GNA14: variants seen among roughly 807,000 people sequenced by gnomAD.
GNA14 encodes guanine nucleotide-binding protein subunit alpha-14.
Under a neutral mutation model 42.0 loss-of-function variants are expected in GNA14, and 50 were observed. The observed-to-expected ratio is 1.19, with a 90% confidence interval of 0.95 to 1.51. The LOEUF (loss-of-function observed/expected upper bound fraction) is 1.51. Ranked by LOEUF, GNA14 falls within the 40% of genes most tolerant of loss-of-function variation. The pLI is 0.00. For missense variants in GNA14, 473 were observed against 446.2 expected (o/e 1.06, Z -0.54); for synonymous variants, 173 against 163.1 (o/e 1.06, Z -0.46).
At chr9:77,645,177 G>A (rs1824334109) in intron 1 of GNA14, among the ~76,000 whole-genome samples, 1 of 152,170 alleles carries the variant, frequency 6.6e-6, no homozygotes, top group South Asian at 2.1e-4. Context: ...TGGTGTCTTT[G>A]GGGGTCATCC....
intron 1 of GNA14, among the ~76,000 whole-genome samples, chr9:77,558,644 A>C (rs977239498): frequency 7.2e-5 from 11 of 152,126 alleles, no homozygotes; most frequent in African/African-American, 2.7e-4. Flanking sequence ...AAACCAGATG[A>C]GGTTCTCCAT....
intron 1 of GNA14, among the ~76,000 whole-genome samples, chr9:77,537,393 G>A (rs1837611060): frequency 6.6e-6 from 1 of 152,146 alleles, no homozygotes; most frequent in South Asian, 2.1e-4. Flanking sequence ...CATCCATGTT[G>A]CTGCAAATGA....
At chr9:77,522,659 C>T (rs532910617) in intron 2 of GNA14, among the ~76,000 whole-genome samples, 1 of 152,236 alleles carries the variant, frequency 6.6e-6, no homozygotes, top group South Asian at 2.1e-4. Context: ...CAATCAGAAT[C>T]ACCTGGGAGG....
intron 1 of GNA14, among the ~76,000 whole-genome samples, chr9:77,589,230 A>G (rs1226028760): frequency 6.6e-6 from 1 of 152,184 alleles, no homozygotes; most frequent in Admixed American, 6.5e-5. Context: ...GCTCACTTGC[A>G]GGGTCATTTC....
At chr9:77,481,507 G>T (rs1836551635) in intron 2 of GNA14, among the ~76,000 whole-genome samples, 1 of 152,140 alleles carries the variant, frequency 6.6e-6, no homozygotes, top group Non-Finnish European at 1.5e-5. Context: ...GTGTGGTGCT[G>T]AAAAAAATGT....
At chr9:77,448,118 C>T (rs1440332025) in intron 2 of GNA14, among the ~76,000 whole-genome samples, 1 of 152,176 alleles carries the variant, frequency 6.6e-6, no homozygotes, top group Non-Finnish European at 1.5e-5. Flanking sequence ...ACAGCTATGC[C>T]TTGTGATATG....
At chr9:77,567,033 C>G (rs947684359) in intron 1 of GNA14, among the ~76,000 whole-genome samples, 10 of 151,752 alleles carry the variant, frequency 6.6e-5, no homozygotes, top group African/African-American at 2.4e-4. Flanking sequence ...TAACACAAGT[C>G]ATGTGCCTGG....
intron 1 of GNA14, among the ~76,000 whole-genome samples, chr9:77,559,442 G>A (rs999363760): frequency 6.6e-6 from 1 of 152,172 alleles, no homozygotes; most frequent in African/African-American, 2.4e-5. Context: ...AGAGGACATA[G>A]GGAAGAAGGG....
intron 2 of GNA14, among the ~76,000 whole-genome samples, chr9:77,502,706 G>T (rs145635115): frequency 6.6e-6 from 1 of 152,340 alleles, no homozygotes; most frequent in South Asian, 2.1e-4. Context: ...TCGTGGGAAT[G>T]TGAGTCTCAG....
intron 2 of GNA14, among the ~76,000 whole-genome samples, chr9:77,468,016 C>T (rs749640000): frequency 6.6e-6 from 1 of 152,142 alleles, no homozygotes; most frequent in Non-Finnish European, 1.5e-5. Flanking sequence ...GCCACACTTG[C>T]CTAAAATAGC....
At chr9:77,518,264 T>C (rs1376110850) in intron 2 of GNA14, among the ~76,000 whole-genome samples, 1 of 152,186 alleles carries the variant, frequency 6.6e-6, no homozygotes, top group African/African-American at 2.4e-5. Flanking sequence ...GTTGTCCCTT[T>C]CTAGTATACC....
intron 1 of GNA14, among the ~76,000 whole-genome samples, chr9:77,592,666 G>C (rs923125049): frequency 3.9e-5 from 6 of 152,166 alleles, no homozygotes; most frequent in Non-Finnish European, 7.3e-5. Flanking sequence ...TGTAATCTCT[G>C]ATCTAATTCT....
intron 2 of GNA14, among the ~76,000 whole-genome samples, chr9:77,465,751 G>A (rs1434384977): frequency 2.0e-5 from 3 of 151,980 alleles, no homozygotes; most frequent in African/African-American, 7.3e-5. Context: ...GAACACGGGT[G>A]CATGCCACCA....
intron 2 of GNA14, among the ~76,000 whole-genome samples, chr9:77,512,993 C>A (rs549100637): frequency 6.6e-6 from 1 of 152,330 alleles, no homozygotes; most frequent in Non-Finnish European, 1.5e-5. Flanking sequence ...GTTCTTCAAT[C>A]CTCAAACTTT....
intron 2 of GNA14, among the ~76,000 whole-genome samples, chr9:77,465,667 T>A (rs1836209814): frequency 9.0e-5 from 1 of 11,130 alleles, no homozygotes; most frequent in Non-Finnish European, 1.5e-4. Flanking sequence ...TTGCTTGATA[T>A]AGGATTTTTT....
At chr9:77,474,788 G>C (rs1213895303) in intron 2 of GNA14, among the ~76,000 whole-genome samples, 3 of 152,154 alleles carry the variant, frequency 2.0e-5, no homozygotes, top group African/African-American at 7.2e-5. Flanking sequence ...ATGACTGTTG[G>C]ATCACATTGA....
intron 2 of GNA14, among the ~76,000 whole-genome samples, chr9:77,455,661 C>T (rs1835986306): frequency 6.6e-6 from 1 of 152,212 alleles, no homozygotes; most frequent in South Asian, 2.1e-4. Flanking sequence ...TCTCTGTTCA[C>T]ATGATGCCCC....
chr9:77,618,885 G>A (rs1212309788), intron 1 of GNA14, among the ~76,000 whole-genome samples: 2 of 150,710 alleles, frequency 1.3e-5, no homozygotes, highest in African/African-American at 4.9e-5. Context: ...CGCCCGCCTC[G>A]GCCTCCCAAA....
intron 2 of GNA14, among the ~76,000 whole-genome samples, chr9:77,449,305 G>C (rs1835869340): frequency 6.6e-6 from 1 of 152,198 alleles, no homozygotes; most frequent in East Asian, 1.9e-4. Flanking sequence ...ACATTTCTCA[G>C]AGGGTATCCC....
Sources: gnomAD v4.1 joint callset for allele counts (sites outside exome capture counted in the v4.1 genomes callset) on GRCh38, gnomAD v4.1.1 for gene constraint, MANE v1.5 for transcripts, NCBI Gene and HGNC (gene_info 2026-07-23, HGNC 2026-07-21) for gene names.